The following RBFOX1 variants were observed in gnomAD, a reference collection of about 807,000 sequenced individuals.
RBFOX1 encodes RNA binding protein fox-1 homolog 1.
RBFOX1 carries 8 observed loss-of-function variants against 57.7 expected under a neutral mutation model. That is an observed-to-expected ratio of 0.14 (90% CI 0.08 to 0.25). The LOEUF (loss-of-function observed/expected upper bound fraction) is 0.25. Ranked by LOEUF, RBFOX1 falls within the 10% of genes least tolerant of loss-of-function variation. RBFOX1 has a pLI of 1.00. For synonymous variants in RBFOX1, 326 were observed against 222.4 expected (o/e 1.47, Z -4.15); for missense variants, 611 against 548.5 (o/e 1.11, Z -1.14).
chr16:7,295,241 A>T (rs1355374641), intron 4 of RBFOX1, among the ~76,000 whole-genome samples: 2 of 152,180 alleles, frequency 1.3e-5, no homozygotes, highest in Admixed American at 6.5e-5. Flanking sequence ...TATGATGTCT[A>T]TACATTTTTG....
intron 1 of RBFOX1, among the ~76,000 whole-genome samples, chr16:5,358,783 C>T (rs545218850): frequency 2.1e-4 from 32 of 152,242 alleles, no homozygotes; most frequent in Middle Eastern, 3.4e-3. Context: ...GCCGAGATCG[C>T]GCCATTGCAC....
intron 3 of RBFOX1, among the ~76,000 whole-genome samples, chr16:5,717,826 C>A (rs1316768995): frequency 1.3e-5 from 2 of 152,202 alleles, no homozygotes; most frequent in Non-Finnish European, 2.9e-5. Context: ...ATCCTCACAA[C>A]CACTATGTCA....
At chr16:5,429,987 G>T (rs1206318009) in intron 1 of RBFOX1, among the ~76,000 whole-genome samples, 4 of 152,218 alleles carry the variant, frequency 2.6e-5, no homozygotes, top group African/African-American at 9.7e-5. Context: ...AGGAGGCAGA[G>T]AGGAGGCTGT....
chr16:6,808,158 A>ATG (rs1434357255), intron 3 of RBFOX1, among the ~76,000 whole-genome samples: 5 of 104,582 alleles, frequency 4.8e-5, no homozygotes, highest in South Asian at 2.6e-4. Flanking sequence ...TATACCTTAT[A>ATG]TATGTGTGTG....
intron 1 of RBFOX1, among the ~76,000 whole-genome samples, chr16:5,369,868 T>G (rs2065814659): frequency 6.6e-6 from 1 of 152,096 alleles, no homozygotes; most frequent in South Asian, 2.1e-4. Context: ...GTCATTACTT[T>G]TAGTGACAGA....
At chr16:6,887,525 C>T (rs1204560186) in intron 3 of RBFOX1, among the ~76,000 whole-genome samples, 5 of 152,002 alleles carry the variant, frequency 3.3e-5, no homozygotes, top group Admixed American at 6.6e-5. Context: ...TAGGTGATTT[C>T]CCTATATCTG....
intron 3 of RBFOX1, among the ~76,000 whole-genome samples, chr16:7,028,035 T>G (rs2041507146): frequency 6.6e-6 from 1 of 152,032 alleles, no homozygotes; most frequent in Non-Finnish European, 1.5e-5. Context: ...GAAGCCTTAT[T>G]TAATCTCCAG....
intron 3 of RBFOX1, among the ~76,000 whole-genome samples, chr16:5,765,893 T>C (rs766928712): frequency 3.3e-5 from 5 of 152,150 alleles, no homozygotes; most frequent in Non-Finnish European, 7.3e-5. Context: ...ACAACCTTGG[T>C]TGTCAGTGAG....
intron 4 of RBFOX1, among the ~76,000 whole-genome samples, chr16:7,063,465 C>T (rs539617454): frequency 1.3e-5 from 2 of 152,158 alleles, no homozygotes; most frequent in East Asian, 3.9e-4. Flanking sequence ...ATGTTTATAA[C>T]AAGTGCCATT....
intron 3 of RBFOX1, among the ~76,000 whole-genome samples, chr16:6,805,500 T>C (rs574690060): frequency 1.0e-3 from 155 of 152,264 alleles, no homozygotes; most frequent in African/African-American, 3.4e-3. Context: ...AGTTTACCTA[T>C]GTAATGAACC....
At chr16:7,651,178 C>T (rs3785223) in intron 11 of RBFOX1, among the ~76,000 whole-genome samples, 7,939 of 152,228 alleles carry the variant, frequency 0.052, 362 homozygotes, top group African/African-American at 0.12. Context: ...TAGAAAGATG[C>T]GGTAGAATCC....
rs372508541 is a variant in RBFOX1, at chr16:6,981,987, A to C, written c.-15-70070A>C. ...ACATGAAAATACAAATAAGCCTCCA[A>C]ATAGTGTGTAATACAATTTCTTTGA... is the stretch of plus-strand genomic sequence containing the variant. On this transcript the variant is annotated intron_variant, in intron 3 of 15. Coordinates refer to ENST00000550418, the MANE Select transcript of RBFOX1 (RefSeq NM_018723.4). 2.5e-4 allele frequency among the ~76,000 whole-genome samples: 38 copies of C among 152,306 alleles called. 1 individual carries two copies. The South Asian group carries it at 7.1e-3, about 28-fold the overall frequency.
intron 3 of RBFOX1, among the ~76,000 whole-genome samples, chr16:5,786,692 C>A (rs1189049601): frequency 6.6e-6 from 1 of 152,188 alleles, no homozygotes; most frequent in Non-Finnish European, 1.5e-5. Flanking sequence ...GACAGTGCCT[C>A]TTTCCTGCTT....
At chr16:5,488,347 A>G (rs149859730) in intron 2 of RBFOX1, among the ~76,000 whole-genome samples, 98,295 of 133,590 alleles carry the variant, frequency 0.74, 36,774 homozygotes, top group East Asian at 0.89. Context: ...GATGAAAGAC[A>G]GTGGTGATGG....
chr16:7,403,691 C>T (rs913305104), intron 4 of RBFOX1, among the ~76,000 whole-genome samples: 6 of 151,040 alleles, frequency 4.0e-5, no homozygotes, highest in African/African-American at 1.5e-4. Flanking sequence ...GGATTACAGG[C>T]ACCTGCCACT....
chr16:7,039,715 A>C (rs2045579874), intron 3 of RBFOX1, among the ~76,000 whole-genome samples: 1 of 152,144 alleles, frequency 6.6e-6, no homozygotes, highest in South Asian at 2.1e-4. Context: ...ATACACTTGC[A>C]AGAAGCAGTG....
chr16:7,009,380 A>T (rs1350612686), intron 3 of RBFOX1, among the ~76,000 whole-genome samples: 1 of 151,572 alleles, frequency 6.6e-6, no homozygotes, highest in African/African-American at 2.4e-5. Flanking sequence ...GAAGCACCTT[A>T]AAATGAAAAA....
At chr16:5,587,656 T>A (rs777937371) in intron 2 of RBFOX1, among the ~76,000 whole-genome samples, 2 of 152,168 alleles carry the variant, frequency 1.3e-5, no homozygotes, top group Non-Finnish European at 2.9e-5. Context: ...GAGGTTGCAG[T>A]GAGCCAAGAT....
chr16:6,448,221 G>A (rs1352959873), intron 2 of RBFOX1, among the ~76,000 whole-genome samples: 3 of 133,770 alleles, frequency 2.2e-5, no homozygotes, highest in Admixed American at 8.8e-5. Context: ...ATGGAGTGGC[G>A]TGATTTTGGC....
Sources: gnomAD v4.1 joint callset for allele counts (sites outside exome capture counted in the v4.1 genomes callset) on GRCh38, gnomAD v4.1.1 for gene constraint, MANE v1.5 for transcripts, NCBI Gene and HGNC (gene_info 2026-07-23, HGNC 2026-07-21) for gene names.